B4GALT6: variants seen among roughly 807,000 people sequenced by gnomAD.
The protein encoded by B4GALT6 is beta-1,4-galactosyltransferase 6.
B4GALT6 carries 14 observed loss-of-function variants against 46.3 expected under a neutral mutation model. The ratio of observed to expected loss-of-function variants is 0.30; its 90% confidence interval spans 0.20 to 0.47. B4GALT6 has a LOEUF of 0.47. Among genes scored for constraint, B4GALT6 ranks in the 20% least tolerant of loss-of-function variants. The probability of loss-of-function intolerance (pLI) is 0.99; values close to 1 mark genes in which losing one functional copy is unlikely to be tolerated. For missense variants in B4GALT6, 386 were observed against 480.1 expected (o/e 0.80, Z 1.83); for synonymous variants, 168 against 162.0 (o/e 1.04, Z -0.28).
the B4GALT6 span, among the ~76,000 whole-genome samples, chr18:31,705,001 G>A: frequency 6.6e-6 from 1 of 152,086 alleles, no homozygotes; most frequent in African/African-American, 2.4e-5. Context: ...AAAAATCACA[G>A]ACACAATATA....
chr18:31,671,366 G>A (rs1454729037), intron 1 of B4GALT6, among the ~76,000 whole-genome samples: 3 of 152,180 alleles, frequency 2.0e-5, no homozygotes, highest in Non-Finnish European at 4.4e-5. Context: ...CCCACCAACA[G>A]TGTAAAAGTG....
intron 1 of B4GALT6, among the ~76,000 whole-genome samples, chr18:31,672,433 G>T (rs1598924563): frequency 6.6e-6 from 1 of 152,242 alleles, no homozygotes; most frequent in East Asian, 1.9e-4. Flanking sequence ...ATCCAAAAAG[G>T]AGATAAGAAG....
intron 4 of B4GALT6, among the ~76,000 whole-genome samples, chr18:31,639,225 G>A (rs898687697): frequency 6.6e-6 from 1 of 152,130 alleles, no homozygotes; most frequent in Admixed American, 6.5e-5. Context: ...TAAGAGGTAA[G>A]CTAGCAGGGT....
Position 31,684,381 on chromosome 18 carries a change from G to A in B4GALT6, c.46C>T (p.Leu16Phe), listed in dbSNP as rs889120917. The stretch of plus-strand genomic sequence containing the variant: ...AGGGAGAAGAAGAAGATGAAGGCGA[G>A]GAGAGAGCGATTGGAAACCCGCATC... Reference protein sequence around the residue: ...RMMRVSNRSLLAFIFFFSLSS... With the variant: ...RMMRVSNRSLFAFIFFFSLSS... Residue 16 changes from leucine to phenylalanine, a missense_variant, in exon 1 of 9, where the codon CTC (leucine) becomes TTC (phenylalanine). Around this residue, in one of 2 missense-constraint regions of B4GALT6, gnomAD observed 63 missense variants for 41.3 expected, o/e 1.53. Transcript: ENST00000306851. 1.9e-6 allele frequency: 3 copies of A among 1,613,930 alleles called. No individual in the cohort carries two copies. The highest frequency in any genetic ancestry group is 1.7e-4 in the Middle Eastern group (1 of 6,058).
intron 1 of B4GALT6, among the ~76,000 whole-genome samples, chr18:31,679,189 T>C (rs938524462): frequency 6.6e-6 from 1 of 152,220 alleles, no homozygotes; most frequent in African/African-American, 2.4e-5. Flanking sequence ...TCTGCCTCAC[T>C]CTGCCACATT....
At chr18:31,654,600 T>C (rs1050937562) in intron 3 of B4GALT6, among the ~76,000 whole-genome samples, 1 of 152,186 alleles carries the variant, frequency 6.6e-6, no homozygotes, top group African/African-American at 2.4e-5. Context: ...TTTACAGAAA[T>C]CCAGTGCCAG....
chr18:31,674,428 AAGCC>A (rs1405390747), intron 1 of B4GALT6, among the ~76,000 whole-genome samples: 1 of 152,210 alleles, frequency 6.6e-6, no homozygotes, highest in East Asian at 1.9e-4. Context: ...GAGGAGGAGA[AAGCC>A]AGAAGAGATC....
chr18:31,683,222 A>G (rs1358789500), intron 1 of B4GALT6, among the ~76,000 whole-genome samples: 1 of 152,186 alleles, frequency 6.6e-6, no homozygotes, highest in Non-Finnish European at 1.5e-5. Flanking sequence ...ATTCACTGCA[A>G]TAATCTACTA....
At chr18:31,637,631 T>C (rs2073876154) in intron 5 of B4GALT6, among the ~76,000 whole-genome samples, 1 of 152,174 alleles carries the variant, frequency 6.6e-6, no homozygotes, top group Non-Finnish European at 1.5e-5. Flanking sequence ...TAATCCAATA[T>C]TGATTTTCAG....
In B4GALT6 at chr18:31,654,732, G is replaced by T. The variant is rs559879129; in HGVS notation, c.346+3244C>A. Among the ~76,000 whole-genome samples, 12 of 152,114 alleles carry T rather than the reference G, an allele frequency of 7.9e-5. 1 individual carries two copies. The East Asian group carries it at 2.3e-3, about 29-fold the overall frequency. ...AAGTAAATATTACTTGTACTTGAAT[G>T]GTTTTCATCTAAGTAGATCTAATTC... On this transcript the variant is annotated intron_variant, in intron 3 of 8. Transcript: ENST00000306851.
chr18:31,723,167 G>T, the B4GALT6 span, among the ~76,000 whole-genome samples: 1 of 151,936 alleles, frequency 6.6e-6, no homozygotes, highest in Non-Finnish European at 1.5e-5. Flanking sequence ...TTTCTTATTG[G>T]CTTCTAATTT....
At chr18:31,692,413 A>G in the B4GALT6 span, among the ~76,000 whole-genome samples, 4 of 152,326 alleles carry the variant, frequency 2.6e-5, no homozygotes, top group African/African-American at 7.2e-5. Context: ...GGTAGAATGT[A>G]GTGATGTCTC....
At chr18:31,659,286 A>C (rs1236520980) in intron 2 of B4GALT6, among the ~76,000 whole-genome samples, 4 of 152,218 alleles carry the variant, frequency 2.6e-5, no homozygotes, top group African/African-American at 9.6e-5. Context: ...ATTAGATAGG[A>C]AGTATGTGAG....
chr18:31,690,677 G>A (rs2030078181), upstream of B4GALT6, among the ~76,000 whole-genome samples: 1 of 151,348 alleles, frequency 6.6e-6, no homozygotes, highest in South Asian at 2.1e-4. Flanking sequence ...CACCATGTTG[G>A]TCAGGCTGGT....
intron 1 of B4GALT6, among the ~76,000 whole-genome samples, chr18:31,672,435 G>T (rs2144713229): frequency 6.6e-6 from 1 of 152,288 alleles, no homozygotes; most frequent in South Asian, 2.1e-4. Flanking sequence ...CCAAAAAGGA[G>T]ATAAGAAGGT....
At chr18:31,709,363 C>A in the B4GALT6 span, among the ~76,000 whole-genome samples, 1 of 150,838 alleles carries the variant, frequency 6.6e-6, no homozygotes, top group Non-Finnish European at 1.5e-5. Context: ...CCATACCTGA[C>A]ACCTGACTAA....
chr18:31,659,949 C>CTTTT (rs35690268), intron 2 of B4GALT6, among the ~76,000 whole-genome samples: 2 of 122,716 alleles, frequency 1.6e-5, no homozygotes, highest in East Asian at 2.2e-4. Context: ...GATTCTTTTC[C>CTTTT]TTTTTTTTTT....
chr18:31,701,390 C>T, the B4GALT6 span, among the ~76,000 whole-genome samples: 5 of 152,184 alleles, frequency 3.3e-5, no homozygotes, highest in Non-Finnish European at 7.4e-5. Context: ...ACAGAAGCTG[C>T]TATGCTTCTG....
chr18:31,675,584 T>C (rs1455941137), intron 1 of B4GALT6, among the ~76,000 whole-genome samples: 1 of 152,176 alleles, frequency 6.6e-6, no homozygotes, highest in Non-Finnish European at 1.5e-5. Flanking sequence ...CTTAAAATAA[T>C]AACTATATAG....
Sources: gnomAD v4.1 joint callset for allele counts (sites outside exome capture counted in the v4.1 genomes callset) on GRCh38, gnomAD v4.1.1 for gene constraint, gnomAD v4.1.1 regional missense constraint, MANE v1.5 for transcripts, NCBI Gene and HGNC (gene_info 2026-07-23, HGNC 2026-07-21) for gene names.